The following STX7 variants were observed in gnomAD, a reference collection of about 807,000 sequenced individuals.
STX7 encodes the protein syntaxin-7.
A neutral mutation model predicts 39.6 loss-of-function variants in STX7; 34 were observed. That is an observed-to-expected ratio of 0.86 (90% CI 0.65 to 1.14). The LOEUF is 1.14. Among genes scored for constraint, STX7 ranks in the 50% most tolerant of loss-of-function variants. The pLI is 0.00. For synonymous variants in STX7, 119 were observed against 99.1 expected (o/e 1.20, Z -1.19); for missense variants, 284 against 310.4 (o/e 0.92, Z 0.64).
intron 8 of STX7, 84 bp downstream of exon 8, chr6:132,468,319 G>T: frequency 9.8e-7 from 1 of 1,018,452 alleles, no homozygotes; most frequent in Non-Finnish European, 1.5e-6. Flanking sequence ...GACAGAAAGT[G>T]GTTACTCTTC....
At chr6:132,490,516 C>T (rs926643898) in intron 2 of STX7, among the ~76,000 whole-genome samples, 1 of 152,154 alleles carries the variant, frequency 6.6e-6, no homozygotes, top group African/African-American at 2.4e-5. Context: ...ATAAAAATTA[C>T]ATTTTCAGAG....
At chr6:132,475,712 C>A (rs1562326822) in intron 2 of STX7, 50 bp from the exon 3 acceptor site, 2 of 1,339,456 alleles carry the variant, frequency 1.5e-6, no homozygotes, top group Non-Finnish European at 2.1e-6. Context: ...GTTAAGGTAA[C>A]AGAAAGAGTT....
At position 132,461,427 on chromosome 6, in the gene STX7, C is replaced by T. The variant is rs1362605169; in HGVS notation, c.694-577G>A. On this transcript the variant is annotated intron_variant, in intron 9 of 9. Transcript: ENST00000367941. ...GTTCAAGAGATTCTCCTGCCTCAGC[C>T]TCCCAAGTAGCTGGGATTACAGGCG... is the stretch of plus-strand genomic sequence containing the variant. Among the ~76,000 whole-genome samples, 4 of 152,248 alleles carry T rather than the reference C, an allele frequency of 2.6e-5. No individual in the cohort carries two copies. The East Asian group carries it at 7.7e-4, about 29-fold the overall frequency.
At position 132,473,517 on chromosome 6, in the gene STX7, G is replaced by GTTT. The variant is rs752590497; in HGVS notation, c.156-1143_156-1142insAAA. Among the ~76,000 whole-genome samples, 433 of 125,764 alleles carry GTTT rather than the reference G, an allele frequency of 3.4e-3. 17 individuals carry two copies. The highest frequency in any genetic ancestry group is 0.021 in the South Asian group (81 of 3,830). 82.5% of individuals were successfully genotyped at this position (125,764 alleles called of 152,430 possible). On this transcript the variant is annotated intron_variant, in intron 3 of 9. Coordinates refer to ENST00000367941, the MANE Select transcript of STX7 (RefSeq NM_003569.3). Reference sequence around the variant, plus strand: ...GTTCAGTTTTTTTTTTTATTATTGTGTTGTTTTTTTTTTTTTCTTGAATAT... The same window carrying GTTT: ...GTTCAGTTTTTTTTTTTATTATTGTGTTTTTGTTTTTTTTTTTTTCTTGAATAT...
Position 132,455,507 on chromosome 6 carries a change from C to T in STX7, c.*5251G>A, listed in dbSNP as rs891161918. ...TCAATTCAGTTCTAGAAAACTCCCT[C>T]GTCAACAAGTAGAGGTGTTGTGCGT... On this transcript the variant is annotated 3_prime_UTR_variant, in exon 10 of 10. Transcript: ENST00000367941. 8 of 152,274 alleles carry T rather than the reference C, an allele frequency of 5.3e-5. No individual in the cohort carries two copies. In the South Asian group the frequency reaches 1.4e-3, roughly 28 times the overall value. The allele number at this position is 152,274 out of a possible 1,614,324, so 9.4% of individuals were successfully genotyped here. A position where few individuals can be genotyped will look rare whatever the true frequency, so the allele number is the denominator to read the frequency against.
At chr6:132,486,918 C>T (rs1247716034) in intron 2 of STX7, among the ~76,000 whole-genome samples, 4 of 152,162 alleles carry the variant, frequency 2.6e-5, no homozygotes, top group Non-Finnish European at 4.4e-5. Flanking sequence ...TCGCCAGCCT[C>T]AGCCTCCCAA....
chr6:132,471,118 G>T (rs893621967), intron 5 of STX7, among the ~76,000 whole-genome samples: 2 of 152,192 alleles, frequency 1.3e-5, no homozygotes, highest in Admixed American at 1.3e-4. Flanking sequence ...CAGGAGGAAA[G>T]TGCTTTCTAC....
rs2114329037 is a variant in STX7, at chr6:132,455,467, AGTTT to A, written c.*5287_*5290del. 1 of 152,326 alleles carries A rather than the reference AGTTT, an allele frequency of 6.6e-6. No individual in the cohort carries two copies. The highest frequency in any genetic ancestry group is 1.5e-5 in the Non-Finnish European group (1 of 68,024). 9.4% of individuals were successfully genotyped at this position (152,326 alleles called of 1,614,324 possible). On this transcript the variant is annotated 3_prime_UTR_variant, in exon 10 of 10. Coordinates refer to ENST00000367941, the MANE Select transcript of STX7 (RefSeq NM_003569.3). Reference sequence around the variant, plus strand: ...CAAAGTGGGAATTAATGCCCTTTCAAGTTTATTTAAAGATTCAATTCAGTTCTAG... The same window carrying A: ...CAAAGTGGGAATTAATGCCCTTTCAAATTTAAAGATTCAATTCAGTTCTAG...
In STX7 at chr6:132,507,303, TTTA is replaced by T. The variant is rs561708263; in HGVS notation, c.-58-3718_-58-3716del. On this transcript the variant is annotated intron_variant, in intron 1 of 9. Transcript: ENST00000367941. ...CTTAAATTTATATAAATAAAATGGCTTTATTGAGATATAATTTATTGAGATATG... is the reference window on the plus strand; with the variant it reads ...CTTAAATTTATATAAATAAAATGGCTTTGAGATATAATTTATTGAGATATG... Among the ~76,000 whole-genome samples the T allele has an allele frequency of 3.9e-5, 6 of 152,332 alleles. No homozygotes were observed. The South Asian group carries it at 1.0e-3, about 26-fold the overall frequency.
At chr6:132,470,664 A>G (rs1248611467) in intron 5 of STX7, 38 bp from the exon 6 acceptor site, 2 of 1,448,234 alleles carry the variant, frequency 1.4e-6, no homozygotes, top group South Asian at 1.2e-5. Context: ...GAGAAGGGGC[A>G]AAAAAAGCAA....
intron 2 of STX7, among the ~76,000 whole-genome samples, chr6:132,500,608 C>T (rs1332713690): frequency 1.3e-5 from 2 of 152,206 alleles, no homozygotes; most frequent in African/African-American, 4.8e-5. Flanking sequence ...TTTCTCCTTA[C>T]TACACTGTAA....
At position 132,458,688 on chromosome 6, in the gene STX7, CTA is replaced by C. The variant is rs1315165955; in HGVS notation, c.*2068_*2069del. On this transcript the variant is annotated 3_prime_UTR_variant, in exon 10 of 10. Coordinates refer to ENST00000367941, the MANE Select transcript of STX7 (RefSeq NM_003569.3). The stretch of plus-strand genomic sequence containing the variant: ...TTTTTTAAAAAATTTGGCTACCATA[CTA>C]TGTTTCTTATTTAATTTTCTCTAAT... The C allele has an allele frequency of 3.3e-5, 5 of 152,146 alleles. No individual in the cohort carries two copies. The highest frequency in any genetic ancestry group is 3.9e-4 in the East Asian group (2 of 5,186). 9.4% of individuals were successfully genotyped at this position (152,146 alleles called of 1,614,324 possible). A position where few individuals can be genotyped will look rare whatever the true frequency, so the allele number is the denominator to read the frequency against.
intron 2 of STX7, among the ~76,000 whole-genome samples, chr6:132,476,439 A>G (rs904691749): frequency 1.3e-5 from 2 of 152,184 alleles, no homozygotes; most frequent in East Asian, 1.9e-4. Context: ...AAAGACGTCA[A>G]TGTCACAAAA....
At position 132,448,400 on chromosome 6, in the gene STX7, CTCATTT is replaced by C. The variant is rs1459806176; in HGVS notation, c.*12352_*12357del. The C allele has an allele frequency of 2.6e-5, 4 of 152,166 alleles. No homozygotes were observed. Among genetic ancestry groups the C allele is most frequent in the Non-Finnish European group, 5.9e-5 (4 of 68,032 alleles). The allele number at this position is 152,166 out of a possible 1,614,324, so 9.4% of individuals were successfully genotyped here. ...AGTGAAAGTCCCTTGTTTGTAAATT[CTCATTT>C]TGAGAAAAAAGTGTTTTTAATATAC... On this transcript the variant is annotated 3_prime_UTR_variant, in exon 10 of 10. Transcript: ENST00000367941.
intron 2 of STX7, among the ~76,000 whole-genome samples, chr6:132,479,776 G>C (rs569286578): frequency 2.0e-5 from 3 of 152,118 alleles, no homozygotes; most frequent in Non-Finnish European, 2.9e-5. Context: ...ATTTTTGTTT[G>C]ATTTTTTGTA....
At chr6:132,492,850 T>C (rs1775328878) in intron 2 of STX7, among the ~76,000 whole-genome samples, 1 of 152,202 alleles carries the variant, frequency 6.6e-6, no homozygotes, top group African/African-American at 2.4e-5. Context: ...AAGAGATTAT[T>C]GAACAAAGCA....
In STX7 at chr6:132,458,076, A is replaced by T. The variant is rs896345645; in HGVS notation, c.*2682T>A. ...GAGGGGCCTTTAAAGGCACTTATTT[A>T]TCATTGTAGGTGTGTCTAAACAATT... On this transcript the variant is annotated 3_prime_UTR_variant, in exon 10 of 10. Transcript: ENST00000367941. 1 of 152,218 alleles carries T rather than the reference A, an allele frequency of 6.6e-6. No individual in the cohort carries two copies. Among genetic ancestry groups the T allele is most frequent in the East Asian group, 1.9e-4 (1 of 5,206 alleles). 9.4% of individuals were successfully genotyped at this position (152,218 alleles called of 1,614,324 possible). A position where few individuals can be genotyped will look rare whatever the true frequency, so the allele number is the denominator to read the frequency against.
At chr6:132,492,475 A>G (rs1036157235) in intron 2 of STX7, among the ~76,000 whole-genome samples, 9 of 152,222 alleles carry the variant, frequency 5.9e-5, no homozygotes, top group Non-Finnish European at 1.0e-4. Context: ...TTTTTATTTT[A>G]TTCGCTGACA....
chr6:132,487,231 T>A (rs1775158339), intron 2 of STX7, among the ~76,000 whole-genome samples: 1 of 152,204 alleles, frequency 6.6e-6, no homozygotes, highest in Admixed American at 6.5e-5. Context: ...AAGGAATTTA[T>A]CCATTTCATC....
Sources: allele counts gnomAD v4.1 joint callset (sites outside exome capture counted in the v4.1 genomes callset), GRCh38; gene constraint gnomAD v4.1.1; transcripts MANE v1.5; gene names NCBI Gene and HGNC (gene_info 2026-07-23, HGNC 2026-07-21).